GLIPR1L2: variants seen among roughly 807,000 people sequenced by gnomAD.
The protein encoded by GLIPR1L2 is GLIPR1 like 2.
Under a neutral mutation model 28.4 loss-of-function variants are expected in GLIPR1L2, and 21 were observed. The ratio of observed to expected loss-of-function variants is 0.74; its 90% CI spans 0.52 to 1.06. The LOEUF (loss-of-function observed/expected upper bound fraction) is 1.06, where lower values mean the gene tolerates loss of function less well. Ranked by LOEUF, GLIPR1L2 falls within the 50% of genes least tolerant of loss-of-function variation. GLIPR1L2 has a pLI of 0.00. For missense variants in GLIPR1L2, 476 were observed against 416.9 expected (o/e 1.14, Z -1.23); for synonymous variants, 145 against 139.3 (o/e 1.04, Z -0.29).
chr12:75,403,308 G>A (rs2045762399), intron 1 of GLIPR1L2, among the ~76,000 whole-genome samples: 1 of 152,150 alleles, frequency 6.6e-6, no homozygotes, highest in African/African-American at 2.4e-5. Context: ...TTTATTTCCT[G>A]TTCTTTCTTT....
intron 1 of GLIPR1L2, 29 bp downstream of exon 1, chr12:75,391,379 T>G (rs777992595): frequency 6.2e-7 from 1 of 1,607,694 alleles, no homozygotes; most frequent in Non-Finnish European, 8.5e-7. Context: ...TTGCCGACCC[T>G]TCCACTACCG....
intron 1 of GLIPR1L2, among the ~76,000 whole-genome samples, chr12:75,393,565 G>A (rs1035938507): frequency 1.3e-5 from 2 of 152,142 alleles, no homozygotes; most frequent in East Asian, 1.9e-4. Context: ...TGTAGCATGT[G>A]TCAGAATTAC....
In GLIPR1L2 at chr12:75,391,131, G is replaced by T. The variant is rs370901558; in HGVS notation, c.15G>T (p.Arg5Ser). Residue 5 changes from arginine (R) to serine (S), a missense_variant, in exon 1 of 6, where the codon AGG becomes AGT. Physicochemically the swap from Arg to Ser is moderately radical, Grantham distance 110. Coordinates refer to ENST00000550916, the MANE Select transcript of GLIPR1L2 (RefSeq NM_001270396.2). MEAA[R>S]PFAREWRAQS... ...GCCGGTGGACCATGGAGGCCGCAAG[G>T]CCCTTCGCCCGGGAGTGGAGGGCCC... 67 of 1,613,526 alleles carry T rather than the reference G, an allele frequency of 4.2e-5. No individual in the cohort carries two copies. The highest frequency in any genetic ancestry group is 3.2e-4 in the South Asian group (29 of 91,058).
intron 1 of GLIPR1L2, among the ~76,000 whole-genome samples, chr12:75,409,985 G>T (rs1018344568): frequency 6.6e-6 from 1 of 150,690 alleles, no homozygotes; most frequent in Non-Finnish European, 1.5e-5. Flanking sequence ...AGCAATGTGA[G>T]GACAAAATTT....
chr12:75,428,893 TGAC>T (rs1234893916), intron 4 of GLIPR1L2, among the ~76,000 whole-genome samples: 2 of 152,210 alleles, frequency 1.3e-5, no homozygotes, highest in African/African-American at 4.8e-5. Flanking sequence ...GGTGCATAGA[TGAC>T]AAGAGTTGAG....
At chr12:75,395,686 C>A (rs1325993524) in intron 1 of GLIPR1L2, among the ~76,000 whole-genome samples, 1 of 151,160 alleles carries the variant, frequency 6.6e-6, no homozygotes, top group Non-Finnish European at 1.5e-5. Context: ...AGTTATAGGT[C>A]TGTTTAGATT....
At chr12:75,402,459 A>G (rs1566065946) in intron 1 of GLIPR1L2, among the ~76,000 whole-genome samples, 1 of 152,248 alleles carries the variant, frequency 6.6e-6, no homozygotes, top group Non-Finnish European at 1.5e-5. Flanking sequence ...AAAAAGGGAA[A>G]AAAATGTAGG....
chr12:75,393,002 C>T (rs1469880385), intron 1 of GLIPR1L2, among the ~76,000 whole-genome samples: 1 of 151,926 alleles, frequency 6.6e-6, no homozygotes, highest in East Asian at 1.9e-4. Context: ...CAGATTTGGA[C>T]ATCACTCAGC....
rs148707925 is a variant in GLIPR1L2 at position 75,418,358 on chromosome 12, A to T, written c.585-4546A>T. On this transcript the variant is annotated intron_variant, in intron 3 of 5. Transcript: ENST00000550916. The stretch of plus-strand genomic sequence containing the variant: ...TAAACATTAAAAAGTGAAGTCATGA[A>T]AGCTATATTAGTGAATTTACTTACA... Among the ~76,000 whole-genome samples the T allele has an allele frequency of 4.4e-3, 670 of 152,294 alleles. 5 individuals are homozygous for T. Among genetic ancestry groups the T allele is most frequent in the Non-Finnish European group, 7.3e-3 (494 of 68,026 alleles).
At chr12:75,427,458 A>G (rs2046045503) in intron 4 of GLIPR1L2, among the ~76,000 whole-genome samples, 1 of 152,230 alleles carries the variant, frequency 6.6e-6, no homozygotes, top group African/African-American at 2.4e-5. Flanking sequence ...GCAAAGATCC[A>G]AAGGAAGGTC....
intron 4 of GLIPR1L2, among the ~76,000 whole-genome samples, chr12:75,424,505 G>T (rs954982133): frequency 6.6e-5 from 10 of 152,256 alleles, no homozygotes; most frequent in Non-Finnish European, 1.2e-4. Flanking sequence ...GAATGCAGTG[G>T]CATGATCATA....
intron 1 of GLIPR1L2, among the ~76,000 whole-genome samples, chr12:75,409,837 GAT>G (rs534064942): frequency 4.2e-5 from 6 of 144,132 alleles, no homozygotes; most frequent in African/African-American, 1.3e-4. Flanking sequence ...TATCTAATCC[GAT>G]ATATATATAA....
At chr12:75,422,725 A>T (rs2045989678) in intron 3 of GLIPR1L2, among the ~76,000 whole-genome samples, 179 bp from the exon 4 acceptor site, 1 of 152,216 alleles carries the variant, frequency 6.6e-6, no homozygotes, top group African/African-American at 2.4e-5. Flanking sequence ...TTCAGAAAAG[A>T]CCGTTTCCTA....
intron 2 of GLIPR1L2, among the ~76,000 whole-genome samples, chr12:75,412,440 A>C (rs1277328741): frequency 6.6e-6 from 1 of 152,096 alleles, no homozygotes; most frequent in African/African-American, 2.4e-5. Context: ...TTCACAACCT[A>C]CACATCTGAC....
chr12:75,420,870 G>A (rs1303272593), intron 3 of GLIPR1L2, among the ~76,000 whole-genome samples: 5 of 152,026 alleles, frequency 3.3e-5, no homozygotes, highest in African/African-American at 1.2e-4. Flanking sequence ...TTTGAAAGAG[G>A]GGACTCATTG....
chr12:75,391,839 C>G (rs2045609299), intron 1 of GLIPR1L2, among the ~76,000 whole-genome samples: 1 of 151,312 alleles, frequency 6.6e-6, no homozygotes, highest in Non-Finnish European at 1.5e-5. Flanking sequence ...TCATCGATGT[C>G]ACATTAGCTT....
Position 75,422,728 on chromosome 12 carries a change from G to A in GLIPR1L2, c.585-176G>A, listed in dbSNP as rs571410917. On this transcript the variant is annotated intron_variant, in intron 3 of 5. Transcript: ENST00000550916. ...ATGGGAATTCGTTTCAGAAAAGACC[G>A]TTTCCTAGGGGAGAACAAAAGGGAA... Among the ~76,000 whole-genome samples the A allele has an allele frequency of 8.5e-5, 13 of 152,196 alleles. No individual in the cohort carries two copies. The East Asian group carries it at 1.3e-3, about 16-fold the overall frequency.
intron 1 of GLIPR1L2, among the ~76,000 whole-genome samples, chr12:75,408,276 C>T (rs1406060115): frequency 6.6e-6 from 1 of 151,922 alleles, no homozygotes; most frequent in East Asian, 1.9e-4. Context: ...TTTATTTGCA[C>T]ATAGTCATGA....
At chr12:75,422,438 GA>G (rs945079482) in intron 3 of GLIPR1L2, among the ~76,000 whole-genome samples, 1 of 151,922 alleles carries the variant, frequency 6.6e-6, no homozygotes, top group African/African-American at 2.4e-5. Flanking sequence ...GAGTAGCTGG[GA>G]CTACAGGCAC....
Sources: allele counts gnomAD v4.1 joint callset (sites outside exome capture counted in the v4.1 genomes callset), GRCh38; gene constraint gnomAD v4.1.1; transcripts MANE v1.5; gene names NCBI Gene and HGNC (gene_info 2026-07-23, HGNC 2026-07-21).